The following SUCLG2 variants were observed in gnomAD, a reference collection of about 807,000 sequenced individuals.
SUCLG2 encodes succinate--CoA ligase [GDP-forming] subunit beta, mitochondrial.
SUCLG2 carries 42 observed loss-of-function variants against 47.9 expected under a neutral mutation model. That is an observed-to-expected ratio of 0.88 (90% CI 0.69 to 1.14). The LOEUF (loss-of-function observed/expected upper bound fraction) is 1.14. Among genes scored for constraint, SUCLG2 ranks in the 50% most tolerant of loss-of-function variants. The pLI, the probability that SUCLG2 is intolerant of heterozygous loss-of-function variation, is 0.00. For synonymous variants in SUCLG2, 195 were observed against 197.3 expected (o/e 0.99, Z 0.10); for missense variants, 571 against 525.9 (o/e 1.09, Z -0.84).
At chr3:67,627,462 A>G (rs1030782928) in intron 1 of SUCLG2, among the ~76,000 whole-genome samples, 2 of 152,198 alleles carry the variant, frequency 1.3e-5, no homozygotes, top group African/African-American at 4.8e-5. Flanking sequence ...TAGTAAATCA[A>G]AAGAAAGATG....
chr3:67,370,004 T>C (rs889801769), downstream of SUCLG2, among the ~76,000 whole-genome samples: 2 of 152,208 alleles, frequency 1.3e-5, no homozygotes, highest in African/African-American at 4.8e-5. Context: ...TACTTTTATT[T>C]TTAATACTAG....
chr3:67,612,461 T>C (rs903900934), intron 1 of SUCLG2, among the ~76,000 whole-genome samples: 2 of 152,092 alleles, frequency 1.3e-5, no homozygotes, highest in East Asian at 1.9e-4. Context: ...GCTATGCAAA[T>C]GGATGGTAGA....
chr3:67,389,697 T>C (rs1702337660), intron 10 of SUCLG2, among the ~76,000 whole-genome samples: 1 of 151,962 alleles, frequency 6.6e-6, no homozygotes, highest in African/African-American at 2.4e-5. Context: ...ATTTGGTTCC[T>C]TCTGTTTTTT....
intron 8 of SUCLG2, 148 bp from the exon 9 acceptor site, chr3:67,496,088 T>G: frequency 1.1e-6 from 1 of 932,144 alleles, no homozygotes; most frequent in Non-Finnish European, 1.6e-6. Context: ...TAAACCAGAT[T>G]AGTTCATAGA....
chr3:67,397,717 C>A (rs1231498345), intron 10 of SUCLG2, among the ~76,000 whole-genome samples: 3 of 152,134 alleles, frequency 2.0e-5, no homozygotes, highest in Middle Eastern at 3.4e-3. Context: ...GCCAAGTTAA[C>A]CCTAAGTAAA....
chr3:67,546,592 G>A (rs28727288), intron 2 of SUCLG2, among the ~76,000 whole-genome samples: 3,557 of 152,194 alleles, frequency 0.023, 134 homozygotes, highest in African/African-American at 0.079. Context: ...AAAATTAGCC[G>A]GGCGTGGTAG....
At chr3:67,654,351 C>T in intron 1 of SUCLG2, 152 bp downstream of exon 1, 1 of 551,246 alleles carries the variant, frequency 1.8e-6, no homozygotes, top group Non-Finnish European at 2.7e-6. Flanking sequence ...TTCCCTGCTG[C>T]GCCTGGACCC....
chr3:67,512,315 T>C lies in SUCLG2; in HGVS notation c.661-3412A>G, dbSNP rs966702344. Among the ~76,000 whole-genome samples, 5 of 151,288 alleles carry C rather than the reference T, an allele frequency of 3.3e-5. No individual in the cohort carries two copies. The East Asian group carries it at 7.7e-4, about 23-fold the overall frequency. On this transcript the variant is annotated intron_variant, in intron 6 of 10. Transcript: ENST00000307227. Reference sequence around the variant, plus strand: ...CCATTTTTTTAATCCAAATAAAATTTGAGTTAAAGTGCGAAGCCAGCAAAT... The same window carrying C: ...CCATTTTTTTAATCCAAATAAAATTCGAGTTAAAGTGCGAAGCCAGCAAAT...
intron 10 of SUCLG2, among the ~76,000 whole-genome samples, chr3:67,395,896 CTG>C (rs531221547): frequency 1.5e-4 from 23 of 152,264 alleles, no homozygotes; most frequent in Middle Eastern, 3.4e-3. Context: ...TACATGGAAA[CTG>C]AACAACCTGC....
At chr3:67,583,923 TC>T (rs1220163968) in intron 2 of SUCLG2, among the ~76,000 whole-genome samples, 1 of 152,210 alleles carries the variant, frequency 6.6e-6, no homozygotes, top group African/African-American at 2.4e-5. Flanking sequence ...CAGGATAATC[TC>T]CTGATCTTAA....
intron 6 of SUCLG2, among the ~76,000 whole-genome samples, chr3:67,512,566 C>CATAT (rs1226708255): frequency 6.7e-6 from 1 of 149,246 alleles, no homozygotes; most frequent in Non-Finnish European, 1.5e-5. Flanking sequence ...TCTGGGTACA[C>CATAT]ATATATATAT....
chr3:67,420,030 T>C (rs1199834260), intron 9 of SUCLG2, among the ~76,000 whole-genome samples: 1 of 152,192 alleles, frequency 6.6e-6, no homozygotes, highest in East Asian at 1.9e-4. Flanking sequence ...CTGTAGGCTT[T>C]GATATGGGCA....
In SUCLG2 at chr3:67,534,768, C is replaced by CAAAAAAAAAAAAA. The variant is rs60612549; in HGVS notation, c.227-5595_227-5583dup. On this transcript the variant is annotated intron_variant, in intron 2 of 10. Transcript: ENST00000307227. ...GGACAGAACTCCCTAACACTGATGG[C>CAAAAAAAAAAAAA]AAAAAAAAAAAAAAAAAAAAAAAAA... 5.7e-4 allele frequency among the ~76,000 whole-genome samples: 20 copies of CAAAAAAAAAAAAA among 34,948 alleles called. 2 individuals are homozygous for CAAAAAAAAAAAAA. The highest frequency in any genetic ancestry group is 7.3e-4 in the East Asian group (1 of 1,364). The allele number at this position is 34,948 out of a possible 152,430, so 22.9% of individuals were successfully genotyped here.
chr3:67,475,319 G>C (rs548255426), intron 9 of SUCLG2, among the ~76,000 whole-genome samples: 1 of 152,310 alleles, frequency 6.6e-6, no homozygotes, highest in East Asian at 1.9e-4. Context: ...AGAAAACTGA[G>C]TGATTTCTCT....
intron 10 of SUCLG2, among the ~76,000 whole-genome samples, chr3:67,393,470 G>C (rs188879071): frequency 6.6e-6 from 1 of 152,172 alleles, no homozygotes; most frequent in Admixed American, 6.5e-5. Flanking sequence ...GGCTGGGGGA[G>C]GGGTGCCTGC....
chr3:67,609,750 T>C (rs1447070491), intron 1 of SUCLG2, among the ~76,000 whole-genome samples, 154 bp from the exon 2 acceptor site: 2 of 152,110 alleles, frequency 1.3e-5, no homozygotes, highest in East Asian at 3.8e-4. Context: ...CTTAAATTCA[T>C]GCCTAATTAT....
At chr3:67,442,646 T>C (rs577088411) in intron 9 of SUCLG2, among the ~76,000 whole-genome samples, 1 of 152,314 alleles carries the variant, frequency 6.6e-6, no homozygotes, top group East Asian at 1.9e-4. Flanking sequence ...TCAAAATATT[T>C]AGAGATTTAA....
At chr3:67,446,635 T>C (rs1463285236) in intron 9 of SUCLG2, among the ~76,000 whole-genome samples, 2 of 150,836 alleles carry the variant, frequency 1.3e-5, no homozygotes, top group South Asian at 4.2e-4. Context: ...GATTTCACCA[T>C]ATTGGCCAGG....
intron 9 of SUCLG2, among the ~76,000 whole-genome samples, chr3:67,440,402 G>A (rs1033983629): frequency 6.6e-5 from 10 of 152,132 alleles, no homozygotes; most frequent in Admixed American, 2.6e-4. Flanking sequence ...AAACTAAAGA[G>A]CTTTCTGCAC....
Sources: allele counts gnomAD v4.1 joint callset (sites outside exome capture counted in the v4.1 genomes callset), GRCh38; gene constraint gnomAD v4.1.1; transcripts MANE v1.5; gene names NCBI Gene and HGNC (gene_info 2026-07-23, HGNC 2026-07-21).